The following REV3L variants were observed in gnomAD, a reference collection of about 807,000 sequenced individuals.
The protein encoded by REV3L is DNA polymerase zeta catalytic subunit.
Under a neutral mutation model 299.4 loss-of-function variants are expected in REV3L, and 69 were observed. The observed-to-expected ratio is 0.23, with a 90% CI of 0.19 to 0.28. The LOEUF is 0.28. REV3L is among the 10% of genes least tolerant of loss of function. The probability of loss-of-function intolerance (pLI) is 1.00; values close to 1 mark genes in which losing one functional copy is unlikely to be tolerated. For synonymous variants in REV3L, 1,238 were observed against 1,271.4 expected (o/e 0.97, Z 0.56); for missense variants, 3,128 against 3,693.8 (o/e 0.85, Z 3.97).
In REV3L at chr6:111,300,125, C is replaced by G; in HGVS notation, c.9284G>C (p.Arg3095Pro). 6.2e-7 allele frequency: 1 copy of G among 1,612,106 alleles called. No homozygotes were observed. The highest frequency in any genetic ancestry group is 8.5e-7 in the Non-Finnish European group (1 of 1,179,198). Residue 3095 changes from arginine to proline, a missense_variant, in exon 32 of 32, where the codon CGA becomes CCA. Coordinates refer to ENST00000368802, the MANE Select transcript of REV3L (RefSeq NM_001372078.1). ...GTTCAGAGAAACACATGGGATGTGT[C>G]GATCAAAGCAACCTGTACAGTTCTT... ...ICKNCTGCFDRHIPCVSLNCP... is the reference protein window; with the variant it reads ...ICKNCTGCFDPHIPCVSLNCP...
At chr6:111,330,382 C>G (rs1775259305) in intron 24 of REV3L, 1 of 433,728 alleles carries the variant, frequency 2.3e-6, no homozygotes, top group Admixed American at 2.4e-5. Context: ...TTGTATTCAT[C>G]AAGACTAGGG....
At chr6:111,458,899 C>T (rs1790448052) in intron 1 of REV3L, among the ~76,000 whole-genome samples, 1 of 151,242 alleles carries the variant, frequency 6.6e-6, no homozygotes, top group South Asian at 2.2e-4. Flanking sequence ...ATCAAATTAC[C>T]AATATCATTT....
chr6:111,477,642 A>G (rs1793096910), intron 1 of REV3L, among the ~76,000 whole-genome samples: 1 of 152,228 alleles, frequency 6.6e-6, no homozygotes, highest in Admixed American at 6.5e-5. Flanking sequence ...TCATGACTAG[A>G]CAGAAAGGTA....
intron 30 of REV3L, 62 bp downstream of exon 30, chr6:111,309,791 A>G: frequency 6.4e-7 from 1 of 1,552,656 alleles, no homozygotes; most frequent in Non-Finnish European, 8.7e-7. Context: ...CTTTAGTTCT[A>G]CTGAAAATTT....
Position 111,373,240 on chromosome 6 carries a change from A to G in REV3L, c.5115T>C (p.Asp1705=), listed in dbSNP as rs1779978895. Residue 1705 remains aspartate (D), a synonymous_variant, in exon 13 of 32, where the codon GAT becomes GAC. Coordinates refer to ENST00000368802, the MANE Select transcript of REV3L (RefSeq NM_001372078.1). ...EFLSHDNQKC[D]EDKHHTTDSA... Reference sequence around the variant, plus strand: ...AGTCTGTGGTATGATGCTTGTCTTCATCACATTTCTGGTTGTCATGACTTA... The same window carrying G: ...AGTCTGTGGTATGATGCTTGTCTTCGTCACATTTCTGGTTGTCATGACTTA... 1.2e-6 allele frequency: 2 copies of G among 1,614,094 alleles called. No homozygotes were observed. The highest frequency in any genetic ancestry group is 4.5e-5 in the East Asian group (2 of 44,878).
At position 111,441,085 on chromosome 6, in the gene REV3L, A is replaced by G. The variant is rs577129181; in HGVS notation, c.140-24613T>C. 2.6e-5 allele frequency among the ~76,000 whole-genome samples: 4 copies of G among 152,276 alleles called. No individual in the cohort carries two copies. The South Asian group carries it at 8.3e-4, about 32-fold the overall frequency. On this transcript the variant is annotated intron_variant, in intron 1 of 31. Transcript: ENST00000368802. ...GATATGTGTAGGTGTTTAATTTTGG[A>G]AAATTCTCAGTCATTATTACTTCAA...
At chr6:111,433,977 GA>G (rs1332525158) in intron 1 of REV3L, among the ~76,000 whole-genome samples, 2 of 152,116 alleles carry the variant, frequency 1.3e-5, no homozygotes, top group Non-Finnish European at 2.9e-5. Flanking sequence ...ACAGATGCTG[GA>G]AAAGCATTAA....
chr6:111,393,111 C>G (rs933863302), intron 4 of REV3L, 139 bp from the exon 5 acceptor site: 11 of 556,792 alleles, frequency 2.0e-5, no homozygotes, highest in African/African-American at 1.5e-4. Flanking sequence ...AATCTCGGCT[C>G]ACTGCAAGCT....
chr6:111,456,523 A>T (rs1176607420), intron 1 of REV3L, among the ~76,000 whole-genome samples: 1 of 152,174 alleles, frequency 6.6e-6, no homozygotes, highest in African/African-American at 2.4e-5. Context: ...CCTATCTCAA[A>T]ATCTGCCAGC....
intron 1 of REV3L, among the ~76,000 whole-genome samples, chr6:111,447,757 T>G (rs758820371): frequency 4.6e-5 from 7 of 152,170 alleles, no homozygotes; most frequent in Non-Finnish European, 7.4e-5. Flanking sequence ...CAGACTATAG[T>G]TGGTCAACCC....
At chr6:111,307,085 C>A (rs1447381653) in intron 31 of REV3L, among the ~76,000 whole-genome samples, 1 of 151,878 alleles carries the variant, frequency 6.6e-6, no homozygotes, top group African/African-American at 2.4e-5. Flanking sequence ...GGATGCTCAA[C>A]CTGTATTATA....
intron 20 of REV3L, 121 bp downstream of exon 20, chr6:111,349,097 A>G (rs756578183): frequency 4.5e-5 from 26 of 581,046 alleles, no homozygotes; most frequent in Middle Eastern, 4.0e-4. Context: ...CTACTTAAGT[A>G]TAACAGTAAT....
intron 1 of REV3L, chr6:111,430,705 TAAAAAG>T (rs1011327352): frequency 2.7e-5 from 41 of 1,544,300 alleles, no homozygotes. Flanking sequence ...GCAAAGAAAA[TAAAAAG>T]AAAGACAAAG....
intron 1 of REV3L, among the ~76,000 whole-genome samples, chr6:111,450,182 C>T (rs1345012062): frequency 2.0e-5 from 3 of 152,004 alleles, no homozygotes; most frequent in African/African-American, 7.2e-5. Flanking sequence ...CCTGAAAATA[C>T]ATGAACAAGG....
chr6:111,440,734 T>C (rs531100032), intron 1 of REV3L, among the ~76,000 whole-genome samples: 55 of 152,332 alleles, frequency 3.6e-4, no homozygotes, highest in African/African-American at 1.3e-3. Flanking sequence ...CATGTTCCTT[T>C]TCTCTGGAGA....
chr6:111,300,827 G>A (rs374475030), intron 31 of REV3L, among the ~76,000 whole-genome samples: 10 of 152,240 alleles, frequency 6.6e-5, no homozygotes, highest in South Asian at 2.1e-4. Flanking sequence ...TGGTGATTGC[G>A]TTATCTGCAC....
In REV3L at chr6:111,422,637, TATATATATATAC is replaced by T. The variant is rs1207828657; in HGVS notation, c.140-6177_140-6166del. Among the ~76,000 whole-genome samples, 4 of 30,220 alleles carry T rather than the reference TATATATATATAC, an allele frequency of 1.3e-4. 1 individual carries two copies. The highest frequency in any genetic ancestry group is 4.9e-4 in the Non-Finnish European group (4 of 8,090). The allele number at this position is 30,220 out of a possible 152,430, so 19.8% of individuals were successfully genotyped here. ...ACACATATATATATATATACACATA[TATATATATATAC>T]ATATATATATATACATATATATATA... is the stretch of plus-strand genomic sequence containing the variant. On this transcript the variant is annotated intron_variant, in intron 1 of 31. Transcript: ENST00000368802.
At chr6:111,310,478 C>G (rs913883808) in intron 29 of REV3L, 1 of 158,194 alleles carries the variant, frequency 6.3e-6, no homozygotes. Flanking sequence ...ATAGCGAGAC[C>G]CCCATCTCCA....
intron 21 of REV3L, among the ~76,000 whole-genome samples, chr6:111,338,395 A>G (rs1435093217): frequency 7.2e-6 from 1 of 139,188 alleles, no homozygotes; most frequent in East Asian, 2.2e-4. Context: ...AATTCATGGT[A>G]CAATTAAGAA....
Sources: gnomAD v4.1 joint callset for allele counts (sites outside exome capture counted in the v4.1 genomes callset) on GRCh38, gnomAD v4.1.1 for gene constraint, MANE v1.5 for transcripts, NCBI Gene and HGNC (gene_info 2026-07-23, HGNC 2026-07-21) for gene names.